PLEC: variants seen among roughly 807,000 people sequenced by gnomAD.
PLEC encodes the protein plectin, also known as hemidesmosomal protein 1.
PLEC carries 216 observed loss-of-function variants against 392.8 expected under a neutral mutation model. The ratio of observed to expected loss-of-function variants is 0.55; its 90% confidence interval spans 0.49 to 0.62. The LOEUF (loss-of-function observed/expected upper bound fraction) is 0.62, where lower values mean the gene tolerates loss of function less well. Among genes scored for constraint, PLEC ranks in the 20% least tolerant of loss-of-function variants. PLEC has a pLI of 0.00. For synonymous variants in PLEC, 3,621 were observed against 2,980.6 expected (o/e 1.21, Z -7.00); for missense variants, 6,863 against 6,563.4 (o/e 1.05, Z -1.58).
intron 25 of PLEC, 63 bp from the exon 26 acceptor site, chr8:143,928,055 A>G: frequency 6.6e-7 from 1 of 1,521,552 alleles, no homozygotes; most frequent in Non-Finnish European, 8.8e-7. Context: ...AAGGGAATGG[A>G]ACCCAAGCCA....
rs200231367 is a variant in PLEC, at chr8:143,920,668, G to A, written c.9153C>T (p.Ser3051=). Residue 3051 remains serine (S), a synonymous_variant, in exon 32 of 32, where the codon TCC becomes TCT. Coordinates refer to ENST00000345136, the MANE Select transcript of PLEC (RefSeq NM_201384.3). ...CTTCCAACAGGGCCACGGCCATGTC[G>A]GATGGCAGCAGGTCTTTCTTCAGGG... ...YNALKKDLLP[S]DMAVALLEAQ... The A allele has an allele frequency of 2.1e-4, 336 of 1,603,708 alleles. No homozygotes were observed. Among genetic ancestry groups the A allele is most frequent in the African/African-American group, 2.5e-4 (19 of 75,052 alleles).
chr8:143,968,109 CAG>C (rs1331506095), intron 1 of PLEC, among the ~76,000 whole-genome samples: 1 of 149,244 alleles, frequency 6.7e-6, no homozygotes, highest in African/African-American at 2.5e-5. Flanking sequence ...GCCTGGGTGA[CAG>C]AGCGAGACAG....
At position 143,927,592 on chromosome 8, in the gene PLEC, G is replaced by T. The variant is rs782377408; in HGVS notation, c.3574C>A (p.Leu1192Met). The T allele has an allele frequency of 6.3e-7, 1 of 1,588,168 alleles. No individual in the cohort carries two copies. The highest frequency in any genetic ancestry group is 1.7e-5 in the Admixed American group (1 of 58,722). ...AQLLERWQAVLAQTDVRQREL... is the reference protein window; with the variant it reads ...AQLLERWQAVMAQTDVRQREL... ...CGCTGCCGCACGTCGGTCTGGGCCA[G>T]CACAGCCTGCCAGCGCTCAAGCAAC... Residue 1192 changes from leucine to methionine, a missense_variant, in exon 27 of 32, where the codon CTG (leucine) becomes ATG (methionine). By Grantham distance (15) the Leu-to-Met change is conservative. Transcript: ENST00000345136.
At position 143,932,632 on chromosome 8, in the gene PLEC, C is replaced by T. The variant is rs1199934129; in HGVS notation, c.1815+3G>A. The T allele has an allele frequency of 3.7e-6, 6 of 1,611,174 alleles. No homozygotes were observed. The highest frequency in any genetic ancestry group is 5.1e-6 in the Non-Finnish European group (6 of 1,179,400). Reference sequence around the variant, plus strand: ...TCCCCCGGCTGGCCCTGCCCCCACTCACCAGCAGCTTGGCGTACTGCAGGT... The same window carrying T: ...TCCCCCGGCTGGCCCTGCCCCCACTTACCAGCAGCTTGGCGTACTGCAGGT... On this transcript the variant is annotated splice_donor_region_variant and intron_variant, in intron 15 of 31. Coordinates refer to ENST00000345136, the MANE Select transcript of PLEC (RefSeq NM_201384.3).
At chr8:143,943,535 G>A (rs530435153), upstream of PLEC, among the ~76,000 whole-genome samples, 53 of 152,208 alleles carry the variant, frequency 3.5e-4, no homozygotes, top group African/African-American at 1.1e-3. Context: ...CTGCCCTGCC[G>A]GCCTCCGCTT....
chr8:143,944,198 C>T (rs1332323159), upstream of PLEC, among the ~76,000 whole-genome samples: 17 of 152,238 alleles, frequency 1.1e-4, 1 homozygote, highest in Admixed American at 1.0e-3. Context: ...CCTGCGTCCC[C>T]GCGGCCACAC....
At chr8:143,956,136 T>C (rs1251328837), upstream of PLEC, among the ~76,000 whole-genome samples, 3 of 152,086 alleles carry the variant, frequency 2.0e-5, no homozygotes, top group East Asian at 3.9e-4. Context: ...TCAGTTGAGA[T>C]GGGGTTTCAC....
Position 143,973,346 on chromosome 8 carries a change from G to A in PLEC, c.70+57C>T. 1.3e-6 allele frequency: 2 copies of A among 1,534,666 alleles called. No homozygotes were observed. The highest frequency in any genetic ancestry group is 2.5e-5 in the East Asian group (1 of 39,420). On this transcript the variant is annotated intron_variant, in intron 1 of 31. Coordinates refer to the PLEC transcript ENST00000356346. The surrounding 1 kb of genome is among the most constrained non-coding windows in gnomAD (Gnocchi z 5.6). ...GGACCGCCACCGTGGACGACAAGGT[G>A]CTCGGCGGCTGGGCTGTCAGGAGCG... is the stretch of plus-strand genomic sequence containing the variant.
Position 143,937,927 on chromosome 8 carries a change from G to A in PLEC, c.264+224C>T, listed in dbSNP as rs1377287927. The A allele has an allele frequency of 1.6e-5, 10 of 632,692 alleles. 1 individual carries two copies. The highest frequency in any genetic ancestry group is 4.5e-5 in the Admixed American group (2 of 44,072). The allele number at this position is 632,692 out of a possible 1,614,324, so 39.2% of individuals were successfully genotyped here. A position where few individuals can be genotyped will look rare whatever the true frequency, so the allele number is the denominator to read the frequency against. Reference sequence around the variant, plus strand: ...GCAAGGCCCAGAGCAGCCGAGGTCCGAGGGTTGCGGCCACTCCCAGGCCAG... The same window carrying A: ...GCAAGGCCCAGAGCAGCCGAGGTCCAAGGGTTGCGGCCACTCCCAGGCCAG... On this transcript the variant is annotated intron_variant, in intron 3 of 31. Transcript: ENST00000345136.
Position 143,936,240 on chromosome 8 carries a change from G to T in PLEC, c.436-226C>A, listed in dbSNP as rs868957729. 4.2e-4 allele frequency among the ~76,000 whole-genome samples: 64 copies of T among 152,286 alleles called. 2 individuals are homozygous for T. Among genetic ancestry groups the T allele is most frequent in the South Asian group, 1.5e-3 (7 of 4,822 alleles). ...AGTCCAGCCACTCCAGCCGGTGGCA[G>T]CTGCCACCACGCAGCTCAGAACCCC... On this transcript the variant is annotated intron_variant, in intron 5 of 31. Transcript: ENST00000345136.
upstream of PLEC, among the ~76,000 whole-genome samples, chr8:143,955,137 AAC>A (rs1461630077): frequency 5.3e-5 from 8 of 152,120 alleles, no homozygotes; most frequent in Non-Finnish European, 1.5e-5. Context: ...AGTCTCAAGA[AAC>A]ACCAGTTGCC....
chr8:143,926,912 G>A (rs377310139), intron 29 of PLEC, 30 bp from the exon 30 acceptor site: 31 of 1,607,206 alleles, frequency 1.9e-5, no homozygotes, highest in Middle Eastern at 1.7e-4. Context: ...TTAGCCCTGC[G>A]AGAGCTGCAG....
chr8:143,929,058 C>T (rs1554710077), intron 25 of PLEC, 45 bp downstream of exon 25: 6 of 1,525,478 alleles, frequency 3.9e-6, no homozygotes, highest in East Asian at 2.4e-5. Flanking sequence ...ACCCCAGCAC[C>T]CCCCAGCCGA....
intron 1 of PLEC, among the ~76,000 whole-genome samples, chr8:143,949,672 C>G (rs1402861638): frequency 2.6e-5 from 4 of 152,228 alleles, no homozygotes; most frequent in Non-Finnish European, 5.9e-5. Flanking sequence ...ACCACCAAGT[C>G]CAAGCTGGCC....
intron 5 of PLEC, among the ~76,000 whole-genome samples, chr8:143,936,371 G>A (rs1311546782): frequency 2.0e-5 from 3 of 152,250 alleles, no homozygotes; most frequent in Non-Finnish European, 4.4e-5. Context: ...TGGAAGGGCA[G>A]TGGGCATAAG....
At chr8:143,960,554 T>G (rs1310150543) in intron 1 of PLEC, among the ~76,000 whole-genome samples, 1 of 151,796 alleles carries the variant, frequency 6.6e-6, no homozygotes, top group African/African-American at 2.4e-5. Context: ...GAGGCGGAGG[T>G]TGCAGTGAGC....
At chr8:143,953,827 A>ACCGCACTGCCCAGGCCAGCG, upstream of PLEC, 1 of 1,607,036 alleles carries the variant, frequency 6.2e-7, no homozygotes, top group Non-Finnish European at 8.5e-7. Context: ...CCAGCCCCGC[A>ACCGCACTGCCCAGGCCAGCG]CCGCACTGCC....
chr8:143,946,835 G>A (rs191721931), intron 1 of PLEC, among the ~76,000 whole-genome samples: 145 of 135,830 alleles, frequency 1.1e-3, no homozygotes, highest in Non-Finnish European at 1.2e-3. Flanking sequence ...GCCCCAAACT[G>A]CCCACCACAC....
At position 143,922,265 on chromosome 8, in the gene PLEC, A is replaced by C; in HGVS notation, c.7556T>G (p.Leu2519Arg). 2 of 1,601,702 alleles carry C rather than the reference A, an allele frequency of 1.2e-6. No individual in the cohort carries two copies. Among genetic ancestry groups the C allele is most frequent in the Non-Finnish European group, 1.7e-6 (2 of 1,176,992 alleles). ...TGCCTTGGCCACCTCGTCCTGGAAG[A>C]GCTGCTCCAGCTTGGCCTTCTCCTG... is the stretch of plus-strand genomic sequence containing the variant. ...IEQEKAKLEQ[L>R]FQDEVAKAQQ... Residue 2519 changes from leucine (L) to arginine (R), a missense_variant, in exon 32 of 32, where the codon CTC becomes CGC. Transcript: ENST00000345136.
Sources: allele counts gnomAD v4.1 joint callset (sites outside exome capture counted in the v4.1 genomes callset), GRCh38; gene constraint gnomAD v4.1.1; non-coding constraint Gnocchi (gnomAD v3.1); transcripts MANE v1.5; gene names NCBI Gene and HGNC (gene_info 2026-07-23, HGNC 2026-07-21).